ITGA9: variants seen among roughly 807,000 people sequenced by gnomAD.
The protein encoded by ITGA9 is integrin alpha-9.
ITGA9 carries 56 observed loss-of-function variants against 127.8 expected under a neutral mutation model. That is an observed-to-expected ratio of 0.44 (90% CI 0.35 to 0.55). The LOEUF (loss-of-function observed/expected upper bound fraction) is 0.55. Among genes scored for constraint, ITGA9 ranks in the 20% least tolerant of loss-of-function variants. The probability of loss-of-function intolerance (pLI) is 0.00; values close to 1 mark genes in which losing one functional copy is unlikely to be tolerated. For synonymous variants in ITGA9, 508 were observed against 514.5 expected, an observed-to-expected ratio of 0.99 and a Z score of 0.17; for missense variants, 1,196 against 1,347.1, an observed-to-expected ratio of 0.89 and a Z score of 1.76.
chr3:37,695,361 C>T (rs1301088938), intron 18 of ITGA9, among the ~76,000 whole-genome samples: 4 of 152,134 alleles, frequency 2.6e-5, no homozygotes, highest in African/African-American at 9.7e-5. Context: ...TTGCTACAGT[C>T]GGTTTACCTT....
At chr3:37,764,209 T>A (rs1317708688) in intron 23 of ITGA9, among the ~76,000 whole-genome samples, 1 of 152,034 alleles carries the variant, frequency 6.6e-6, no homozygotes, top group Non-Finnish European at 1.5e-5. Context: ...CCAAAAAAGA[T>A]TACAATTCCT....
At chr3:37,651,479 T>C (rs1700429108) in intron 16 of ITGA9, among the ~76,000 whole-genome samples, 1 of 152,204 alleles carries the variant, frequency 6.6e-6, no homozygotes, top group African/African-American at 2.4e-5. Flanking sequence ...GTGTGGTCTT[T>C]CGGTGTTGAT....
intron 15 of ITGA9, among the ~76,000 whole-genome samples, chr3:37,582,469 CT>C (rs1365625062): frequency 6.6e-6 from 1 of 152,210 alleles, no homozygotes; most frequent in Non-Finnish European, 1.5e-5. Context: ...GTTTTCTGCT[CT>C]TACTCTTCCT....
chr3:37,622,137 C>CT (rs5848098), intron 15 of ITGA9, among the ~76,000 whole-genome samples: 96,061 of 139,732 alleles, frequency 0.69, 33,223 homozygotes, highest in East Asian at 0.79. Context: ...TGTTTGTTTA[C>CT]TTTTTTTTTT....
chr3:37,523,511 T>C lies in ITGA9; in HGVS notation c.1237-10T>C, dbSNP rs774041149. 9.9e-6 allele frequency: 16 copies of C among 1,609,278 alleles called. No individual in the cohort carries two copies. Among genetic ancestry groups the C allele is most frequent in the African/African-American group, 1.3e-5 (1 of 74,932 alleles). ...TTCCTGTGACTCCATTTCCCTATTA[T>C]CTGTTTCAGAAACTGTCTGGGCAGA... is the stretch of plus-strand genomic sequence containing the variant. On this transcript the variant is annotated splice_polypyrimidine_tract_variant and intron_variant, in intron 11 of 27. Transcript: ENST00000264741.
intron 26 of ITGA9, among the ~76,000 whole-genome samples, chr3:37,798,073 C>T (rs982343076): frequency 6.6e-6 from 1 of 152,164 alleles, no homozygotes; most frequent in Non-Finnish European, 1.5e-5. Flanking sequence ...TCACTTCAGC[C>T]TCGATATCCC....
chr3:37,555,075 C>G (rs796212498), intron 15 of ITGA9, among the ~76,000 whole-genome samples: 4 of 152,290 alleles, frequency 2.6e-5, no homozygotes, highest in African/African-American at 9.6e-5. Flanking sequence ...ACACTAAGAG[C>G]ATCTTTTCCT....
At chr3:37,734,720 G>C (rs1045323120) in intron 19 of ITGA9, among the ~76,000 whole-genome samples, 2 of 152,220 alleles carry the variant, frequency 1.3e-5, no homozygotes, top group Non-Finnish European at 2.9e-5. Context: ...TTGAACTCCT[G>C]ACCTCAAGTG....
In ITGA9 at chr3:37,819,015, A is replaced by G; in HGVS notation, c.*26A>G. ...GCTGCCACACCAGTCACATGACCTG[A>G]TCACTAGCCTGTCATCCTTGGTCTT... is the stretch of plus-strand genomic sequence containing the variant. On this transcript the variant is annotated 3_prime_UTR_variant, in exon 28 of 28. Coordinates refer to ENST00000264741, the MANE Select transcript of ITGA9 (RefSeq NM_002207.3). 6.9e-7 allele frequency: 1 copy of G among 1,455,810 alleles called. No homozygotes were observed. The highest frequency in any genetic ancestry group is 9.7e-7 in the Non-Finnish European group (1 of 1,035,554). 90.2% of individuals were successfully genotyped at this position (1,455,810 alleles called of 1,614,324 possible). A position where few individuals can be genotyped will look rare whatever the true frequency, so the allele number is the denominator to read the frequency against.
At chr3:37,548,971 A>G (rs1013472071) in intron 15 of ITGA9, among the ~76,000 whole-genome samples, 1 of 152,224 alleles carries the variant, frequency 6.6e-6, no homozygotes, top group Non-Finnish European at 1.5e-5. Flanking sequence ...GATGTGTGGG[A>G]AACTACCTTC....
chr3:37,710,385 G>A lies in ITGA9; in HGVS notation c.2068-22327G>A, dbSNP rs1201239322. 2.3e-5 allele frequency among the ~76,000 whole-genome samples: 3 copies of A among 132,738 alleles called. No individual in the cohort carries two copies. The Admixed American group carries it at 2.3e-4, about 10-fold the overall frequency. 87.1% of individuals were successfully genotyped at this position (132,738 alleles called of 152,430 possible). ...CCGACATCGAGAAACTGACGGTGTT[G>A]TCAAGAAATAAATATCCCCCCCCCA... On this transcript the variant is annotated intron_variant, in intron 18 of 27. Transcript: ENST00000264741.
intron 16 of ITGA9, among the ~76,000 whole-genome samples, chr3:37,645,358 C>G (rs966443279): frequency 6.6e-6 from 1 of 152,168 alleles, no homozygotes; most frequent in Admixed American, 6.5e-5. Flanking sequence ...CACTTGAGAT[C>G]AGGAATTAGA....
chr3:37,493,331 A>AATG (rs1698691749), intron 4 of ITGA9, among the ~76,000 whole-genome samples: 1 of 152,224 alleles, frequency 6.6e-6, no homozygotes, highest in Non-Finnish European at 1.5e-5. Flanking sequence ...TTTCAAAAAT[A>AATG]ATGATATTGC....
intron 17 of ITGA9, among the ~76,000 whole-genome samples, chr3:37,667,629 C>T (rs1700598489): frequency 6.6e-6 from 1 of 152,164 alleles, no homozygotes; most frequent in African/African-American, 2.4e-5. Flanking sequence ...TGGGATGCCC[C>T]TCAATTGTCT....
intron 12 of ITGA9, 96 bp from the exon 13 acceptor site, chr3:37,525,930 C>G (rs1206240690): frequency 4.0e-6 from 4 of 1,004,564 alleles, no homozygotes; most frequent in Non-Finnish European, 6.4e-6. Context: ...TCTCCGGCCT[C>G]AAGGCTGGGT....
Position 37,629,196 on chromosome 3 carries a change from C to G in ITGA9, c.1699C>G (p.Gln567Glu). 6.2e-7 allele frequency: 1 copy of G among 1,612,742 alleles called. No homozygotes were observed. Among genetic ancestry groups the G allele is most frequent in the South Asian group, 1.1e-5 (1 of 91,016 alleles). The change falls in exon 16 of 28, where the codon CAG (glutamine) becomes GAG (glutamate). Residue 567 changes from glutamine (Q) to glutamate (E), a missense_variant. Physicochemically the swap from Gln to Glu is conservative, Grantham distance 29. Transcript: ENST00000264741. The surrounding 1 kb of genome is among the most constrained non-coding windows in gnomAD (Gnocchi z 4.5). ...HYVAHVKRRV[Q>E]DVISPIVFEA... Reference sequence around the variant, plus strand: ...TTGTTTATTGTTTCAGCGGAGGGTGCAGGACGTCATCAGCCCGATCGTGTT... The same window carrying G: ...TTGTTTATTGTTTCAGCGGAGGGTGGAGGACGTCATCAGCCCGATCGTGTT...
chr3:37,570,129 G>A (rs1000462960), intron 15 of ITGA9, among the ~76,000 whole-genome samples: 8 of 152,206 alleles, frequency 5.3e-5, no homozygotes, highest in Admixed American at 3.3e-4. Flanking sequence ...TCAGAGCCCC[G>A]GCATTTCTGC....
At chr3:37,494,615 T>G in intron 5 of ITGA9, 47 bp downstream of exon 5, 4 of 1,511,954 alleles carry the variant, frequency 2.6e-6, no homozygotes, top group Non-Finnish European at 3.7e-6. Context: ...TGGGTGTTCA[T>G]TTCCTTGCTT....
rs1024300895 is a variant in ITGA9 at position 37,819,217 on chromosome 3, G to C, written c.*228G>C. 6 of 591,948 alleles carry C rather than the reference G, an allele frequency of 1.0e-5. No homozygotes were observed. The highest frequency in any genetic ancestry group is 5.6e-5 in the African/African-American group (3 of 53,788). 36.7% of individuals were successfully genotyped at this position (591,948 alleles called of 1,614,324 possible). On this transcript the variant is annotated 3_prime_UTR_variant, in exon 28 of 28. Coordinates refer to ENST00000264741, the MANE Select transcript of ITGA9 (RefSeq NM_002207.3). ...TTAAAGATGAACTCTGAACTTTGGA[G>C]AGTGAGCTACAGAGCCGAGCAATAT...
Sources: gnomAD v4.1 joint callset for allele counts (sites outside exome capture counted in the v4.1 genomes callset) on GRCh38, gnomAD v4.1.1 for gene constraint, Gnocchi (gnomAD v3.1) non-coding constraint, MANE v1.5 for transcripts, NCBI Gene and HGNC (gene_info 2026-07-23, HGNC 2026-07-21) for gene names.